Variants in NFIB observed in about 807,000 individuals in gnomAD.
The protein encoded by NFIB is nuclear factor I B.
A neutral mutation model predicts 61.5 loss-of-function variants in NFIB; 11 were observed. The observed-to-expected ratio is 0.18, with a 90% CI of 0.11 to 0.30. The LOEUF is 0.30. Ranked by LOEUF, NFIB falls within the 10% of genes least tolerant of loss-of-function variation. The probability of loss-of-function intolerance (pLI) is 1.00; values close to 1 mark genes in which losing one functional copy is unlikely to be tolerated. For missense variants in NFIB, 471 were observed against 608.9 expected, an observed-to-expected ratio of 0.77 and a Z score of 2.38; for synonymous variants, 260 against 216.5, an observed-to-expected ratio of 1.20 and a Z score of -1.76.
the NFIB span, among the ~76,000 whole-genome samples, chr9:14,415,722 A>T: frequency 6.6e-6 from 1 of 152,242 alleles, no homozygotes; most frequent in Non-Finnish European, 1.5e-5. Context: ...CACTCTCTCC[A>T]TATGGACTGT....
At chr9:14,436,428 A>G in the NFIB span, among the ~76,000 whole-genome samples, 1 of 152,216 alleles carries the variant, frequency 6.6e-6, no homozygotes, top group Non-Finnish European at 1.5e-5. Context: ...TTCACCAGGT[A>G]AGGCTTTCAT....
chr9:14,126,616 G>C (rs1259714464), intron 6 of NFIB, among the ~76,000 whole-genome samples: 1 of 152,168 alleles, frequency 6.6e-6, no homozygotes, highest in Non-Finnish European at 1.5e-5. Flanking sequence ...TGTGTGGAGT[G>C]GTGAAAGATG....
chr9:14,366,661 A>G (rs940189805), intron 1 of NFIB, among the ~76,000 whole-genome samples: 6 of 151,656 alleles, frequency 4.0e-5, no homozygotes, highest in Admixed American at 2.6e-4. Flanking sequence ...AGTTTTTTGT[A>G]TTTTTAGTAG....
the NFIB span, among the ~76,000 whole-genome samples, chr9:14,404,360 G>A: frequency 6.6e-6 from 1 of 152,186 alleles, no homozygotes; most frequent in Admixed American, 6.5e-5. Flanking sequence ...GGATGCTGTG[G>A]TGAGCAAGAC....
chr9:14,414,294 G>A, the NFIB span, among the ~76,000 whole-genome samples: 1 of 151,840 alleles, frequency 6.6e-6, no homozygotes, highest in African/African-American at 2.4e-5. Context: ...AATTAGCTGG[G>A]CGTGGTGGCA....
At chr9:14,436,191 C>A in the NFIB span, among the ~76,000 whole-genome samples, 37 of 152,364 alleles carry the variant, frequency 2.4e-4, no homozygotes, top group African/African-American at 8.4e-4. Flanking sequence ...TCTCTTCTTA[C>A]AACTCACTGG....
chr9:14,462,568 C>T, the NFIB span, among the ~76,000 whole-genome samples: 1 of 152,278 alleles, frequency 6.6e-6, no homozygotes, highest in South Asian at 2.1e-4. Flanking sequence ...AGGAGTGAGC[C>T]ACCGTGCCCG....
intron 1 of NFIB, among the ~76,000 whole-genome samples, chr9:14,328,715 ATTG>A (rs927753429): frequency 5.9e-5 from 9 of 152,156 alleles, no homozygotes; most frequent in African/African-American, 2.2e-4. Flanking sequence ...TTCTATTTGT[ATTG>A]TTGATATTAG....
the NFIB span, among the ~76,000 whole-genome samples, chr9:14,474,955 A>G: frequency 8.5e-5 from 13 of 152,198 alleles, no homozygotes; most frequent in Non-Finnish European, 1.6e-4. Flanking sequence ...TGGGCCCTCA[A>G]TGGATTGTGT....
chr9:14,234,840 T>TA (rs2053584379), intron 2 of NFIB, among the ~76,000 whole-genome samples: 1 of 150,582 alleles, frequency 6.6e-6, no homozygotes, highest in African/African-American at 2.4e-5. Context: ...TATTTCAACA[T>TA]ACGTTTTTAA....
chr9:14,230,946 T>C (rs2053055501), intron 2 of NFIB, among the ~76,000 whole-genome samples: 1 of 150,722 alleles, frequency 6.6e-6, no homozygotes, highest in African/African-American at 2.4e-5. Flanking sequence ...GGCAGTGGCA[T>C]GTGGATTCTG....
intron 3 of NFIB, among the ~76,000 whole-genome samples, chr9:14,179,164 C>T (rs2046479469): frequency 6.6e-6 from 1 of 151,750 alleles, no homozygotes; most frequent in Non-Finnish European, 1.5e-5. Context: ...AGATCTGGAA[C>T]AACTTCTGAA....
chr9:14,455,223 G>A, the NFIB span, among the ~76,000 whole-genome samples: 1 of 152,210 alleles, frequency 6.6e-6, no homozygotes, highest in African/African-American at 2.4e-5. Flanking sequence ...GTAAAAATCT[G>A]AGTGTGTATC....
chr9:14,364,406 T>G (rs1169749707), intron 1 of NFIB, among the ~76,000 whole-genome samples: 2 of 152,230 alleles, frequency 1.3e-5, no homozygotes, highest in East Asian at 3.9e-4. Flanking sequence ...ATCTAGTTAA[T>G]GCGAGAGGTG....
intron 2 of NFIB, among the ~76,000 whole-genome samples, chr9:14,253,083 G>A (rs2055836177): frequency 6.6e-6 from 1 of 152,168 alleles, no homozygotes; most frequent in Admixed American, 6.5e-5. Flanking sequence ...CATGAAGAAA[G>A]TTTAAGCAGA....
intron 6 of NFIB, among the ~76,000 whole-genome samples, chr9:14,143,486 A>T (rs1434944276): frequency 6.6e-6 from 1 of 152,164 alleles, no homozygotes; most frequent in Non-Finnish European, 1.5e-5. Flanking sequence ...TTAATAAATC[A>T]ATTTTGCTAA....
intron 2 of NFIB, among the ~76,000 whole-genome samples, chr9:14,274,251 T>C (rs377718214): frequency 4.8e-5 from 6 of 124,022 alleles, no homozygotes; most frequent in East Asian, 2.6e-4. Context: ...TCTTCCTCCC[T>C]ACACACACAC....
chr9:14,423,560 C>G, the NFIB span, among the ~76,000 whole-genome samples: 2 of 152,154 alleles, frequency 1.3e-5, no homozygotes, highest in South Asian at 4.2e-4. Context: ...GTCACTGGGC[C>G]CATTATCCTG....
intron 2 of NFIB, among the ~76,000 whole-genome samples, chr9:14,272,199 C>T (rs2057674882): frequency 6.6e-6 from 1 of 151,980 alleles, no homozygotes; most frequent in African/African-American, 2.4e-5. Context: ...TCTTTTTTCC[C>T]CCACATATTT....
Sources: allele counts gnomAD v4.1 joint callset (sites outside exome capture counted in the v4.1 genomes callset), GRCh38; gene constraint gnomAD v4.1.1; transcripts MANE v1.5; gene names NCBI Gene and HGNC (gene_info 2026-07-23, HGNC 2026-07-21).